Variants in UNC79 observed in about 807,000 individuals in gnomAD.
UNC79 encodes unc-79 subunit of NALCN channel complex.
Under a neutral mutation model 283.1 loss-of-function variants are expected in UNC79, and 37 were observed. The ratio of observed to expected loss-of-function variants is 0.13; its 90% CI spans 0.10 to 0.17. UNC79 has a LOEUF of 0.17. Among genes scored for constraint, UNC79 ranks in the 10% least tolerant of loss-of-function variants. UNC79 has a pLI of 1.00. For synonymous variants in UNC79, 1,107 were observed against 1,200.2 expected (o/e 0.92, Z 1.61); for missense variants, 2,272 against 3,211.1 (o/e 0.71, Z 7.07).
intron 28 of UNC79, 135 bp from the exon 30 acceptor site, chr14:93,618,057 T>C: frequency 1.0e-6 from 1 of 960,242 alleles, no homozygotes; most frequent in Non-Finnish European, 1.5e-6. Flanking sequence ...GCAGAATTTG[T>C]TTCTACTTCT....
chr14:93,505,023 T>G (rs1303986977), intron 7 of UNC79, among the ~76,000 whole-genome samples: 2 of 152,056 alleles, frequency 1.3e-5, no homozygotes, highest in African/African-American at 4.8e-5. Flanking sequence ...TTCATTCCAT[T>G]GCCATTTTTA....
At chr14:93,405,064 C>T (rs540320830) in intron 1 of UNC79, among the ~76,000 whole-genome samples, 2 of 152,132 alleles carry the variant, frequency 1.3e-5, no homozygotes, top group South Asian at 4.2e-4. Context: ...GGATGGATCA[C>T]CTGAGGTCGG....
At chr14:93,532,439 C>T (rs2060867942) in intron 10 of UNC79, 111 bp from the exon 11 acceptor site, 1 of 1,310,028 alleles carries the variant, frequency 7.6e-7, no homozygotes, top group Non-Finnish European at 1.0e-6. Flanking sequence ...CATTGCACTC[C>T]AGCCTGATTG....
chr14:93,680,799 T>C (rs1300817921), intron 41 of UNC79, among the ~76,000 whole-genome samples: 4 of 152,096 alleles, frequency 2.6e-5, no homozygotes, highest in African/African-American at 9.7e-5. Context: ...ATTACAAGCG[T>C]GAGCCACCAC....
At chr14:93,464,284 G>A (rs190448876) in intron 1 of UNC79, among the ~76,000 whole-genome samples, 2 of 152,242 alleles carry the variant, frequency 1.3e-5, no homozygotes, top group African/African-American at 4.8e-5. Context: ...GAGGCTTGAA[G>A]TCTGAGATTG....
intron 10 of UNC79, 75 bp downstream of exon 10, chr14:93,529,401 C>T: frequency 1.3e-6 from 2 of 1,505,436 alleles, no homozygotes; most frequent in East Asian, 4.6e-5. Context: ...TCCTTTTGTA[C>T]TATTTTATTT....
chr14:93,510,079 G>C (rs1012614553), intron 7 of UNC79, among the ~76,000 whole-genome samples: 4 of 152,226 alleles, frequency 2.6e-5, no homozygotes, highest in South Asian at 2.1e-4. Context: ...ATTATGGCTT[G>C]CACTCTCTGG....
intron 1 of UNC79, among the ~76,000 whole-genome samples, chr14:93,417,321 C>A (rs2055484921): frequency 1.3e-5 from 2 of 152,114 alleles, no homozygotes; most frequent in African/African-American, 2.4e-5. Context: ...GTTGAAAATT[C>A]TTTTCTTTAA....
intron 11 of UNC79, among the ~76,000 whole-genome samples, chr14:93,536,782 CT>C (rs35677025): frequency 0.11 from 8,870 of 82,292 alleles, 157 homozygotes; most frequent in Middle Eastern, 0.17. Context: ...CCACCCCCGG[CT>C]TTTTTTTTTT....
At chr14:93,650,961 T>G (rs1253121277) in intron 35 of UNC79, among the ~76,000 whole-genome samples, 2 of 150,498 alleles carry the variant, frequency 1.3e-5, no homozygotes, top group Non-Finnish European at 3.0e-5. Context: ...TTAATTTTTA[T>G]GTATGGTGTG....
intron 41 of UNC79, among the ~76,000 whole-genome samples, chr14:93,678,848 C>T (rs778459050): frequency 3.9e-5 from 6 of 152,062 alleles, no homozygotes; most frequent in Non-Finnish European, 7.4e-5. Flanking sequence ...GAAAAAGAGG[C>T]GTGGAGATAG....
intron 43 of UNC79, among the ~76,000 whole-genome samples, chr14:93,687,221 A>AT (rs1056932519): frequency 1.3e-5 from 2 of 152,204 alleles, no homozygotes; most frequent in Non-Finnish European, 2.9e-5. Context: ...ACCATGTATT[A>AT]TTTTTTGCTC....
intron 7 of UNC79, among the ~76,000 whole-genome samples, chr14:93,521,190 C>T (rs1336803742): frequency 6.6e-5 from 10 of 151,904 alleles, no homozygotes. Context: ...ATGATTGCTC[C>T]AAGTATTTAG....
rs180965323 is a variant in UNC79, at chr14:93,599,143, T to G, written c.3373-1426T>G. 1.7e-3 allele frequency among the ~76,000 whole-genome samples: 263 copies of G among 152,348 alleles called. 3 individuals are homozygous for G. Among genetic ancestry groups the G allele is most frequent in the African/African-American group, 6.0e-3 (251 of 41,586 alleles). ...TAATGATAGCAAGAGCTGACATTCC[T>G]CAGATAGCTACTGTGTTTCCAGGGC... On this transcript the variant is annotated intron_variant, in intron 24 of 48. Coordinates refer to ENST00000555664, the Ensembl canonical transcript of UNC79.
intron 1 of UNC79, among the ~76,000 whole-genome samples, chr14:93,339,521 A>G (rs1385790912): frequency 2.0e-5 from 3 of 152,112 alleles, no homozygotes; most frequent in African/African-American, 7.2e-5. Context: ...GGCTGGTTTC[A>G]AACTCCTCAC....
intron 33 of UNC79, 78 bp downstream of exon 36, chr14:93,641,325 A>C: frequency 2.9e-6 from 4 of 1,390,298 alleles, no homozygotes; most frequent in Non-Finnish European, 4.0e-6. Flanking sequence ...AAAGTTTCAG[A>C]AAAAGCATGC....
Position 93,655,422 on chromosome 14 carries a change from A to G in UNC79, c.6456+15A>G, listed in dbSNP as rs750263805. On this transcript the variant is annotated intron_variant, in intron 38 of 48. Coordinates refer to ENST00000555664, the Ensembl canonical transcript of UNC79. ...TACCTCTGAAGGTAAGCTGAGCCGA[A>G]GGTTTCATTTTCAATTAATTTCTTA... The G allele has an allele frequency of 9.3e-6, 15 of 1,609,148 alleles. No homozygotes were observed. The highest frequency in any genetic ancestry group is 2.7e-5 in the African/African-American group (2 of 74,590).
At chr14:93,622,058 G>C in exon 30 of UNC79, 2 of 1,614,120 alleles carry the variant, frequency 1.2e-6, no homozygotes, top group Non-Finnish European at 1.7e-6. Flanking sequence ...AGATCTGATA[G>C]ATCTATCCTC....
At chr14:93,382,661 G>A (rs2054687858) in intron 1 of UNC79, among the ~76,000 whole-genome samples, 1 of 152,160 alleles carries the variant, frequency 6.6e-6, no homozygotes, top group Admixed American at 6.6e-5. Flanking sequence ...AGATGCAGAT[G>A]CAGATGAAGA....
Sources: allele counts gnomAD v4.1 joint callset (sites outside exome capture counted in the v4.1 genomes callset), GRCh38; gene constraint gnomAD v4.1.1; transcripts MANE v1.5; gene names NCBI Gene and HGNC (gene_info 2026-07-23, HGNC 2026-07-21).